Variants in DOCK7 observed in about 807,000 individuals in gnomAD.
The protein encoded by DOCK7 is dedicator of cytokinesis 7.
DOCK7 carries 138 observed loss-of-function variants against 271.0 expected under a neutral mutation model. That is an observed-to-expected ratio of 0.51 (90% CI 0.44 to 0.59). DOCK7 has a LOEUF of 0.59. Among genes scored for constraint, DOCK7 ranks in the 20% least tolerant of loss-of-function variants. DOCK7 has a pLI of 0.00. For synonymous variants in DOCK7, 823 were observed against 876.1 expected (o/e 0.94, Z 1.07); for missense variants, 2,066 against 2,592.4 (o/e 0.80, Z 4.41).
chr1:62,641,335 A>T, intron 7 of DOCK7: 1 of 404,942 alleles, frequency 2.5e-6, no homozygotes. Context: ...ACTTTCTCAC[A>T]GGCTTCAGGC....
intron 43 of DOCK7, 105 bp downstream of exon 43, chr1:62,487,293 T>C: frequency 2.8e-6 from 3 of 1,090,532 alleles, no homozygotes; most frequent in Non-Finnish European, 2.7e-6. Flanking sequence ...TGATAGCAGA[T>C]AGCAACAGAA....
intron 7 of DOCK7, among the ~76,000 whole-genome samples, chr1:62,643,441 ACACT>A (rs1009417048): frequency 7.2e-5 from 11 of 152,232 alleles, no homozygotes; most frequent in African/African-American, 2.4e-4. Context: ...ACTGAAGATA[ACACT>A]CAATGTCTTC....
intron 14 of DOCK7, among the ~76,000 whole-genome samples, chr1:62,603,322 TATAA>T (rs1650432099): frequency 6.6e-6 from 1 of 151,810 alleles, no homozygotes; most frequent in South Asian, 2.1e-4. Context: ...AACAGTATTT[TATAA>T]ATACTTTAAT....
chr1:62,457,301 T>A (rs1219030345), intron 49 of DOCK7, among the ~76,000 whole-genome samples: 1 of 152,200 alleles, frequency 6.6e-6, no homozygotes, highest in Non-Finnish European at 1.5e-5. Flanking sequence ...TATCAGAGAC[T>A]TTTTAAGCGC....
In DOCK7 at chr1:62,555,881, G is replaced by A; in HGVS notation, c.2540C>T (p.Ser847Leu). ...DQHGRNSLLA[S>L]YIHYVFRLPN... ...TAGGCGGAAAACATAATGAATATAT[G>A]ATGCAAGAAGGCTGTTTCTGCCATG... is the stretch of plus-strand genomic sequence containing the variant. The change falls in exon 21 of 50, where the codon TCA becomes TTA. Residue 847 changes from serine (S) to leucine (L), a missense_variant. This residue lies in a region of DOCK7 where 1,414 missense variants were observed against 1,670.4 expected (regional missense o/e 0.85). Coordinates refer to ENST00000635253, the MANE Select transcript of DOCK7 (RefSeq NM_001367561.1). 1 of 1,613,876 alleles carries A rather than the reference G, an allele frequency of 6.2e-7. No homozygotes were observed. Among genetic ancestry groups the A allele is most frequent in the Non-Finnish European group, 8.5e-7 (1 of 1,179,910 alleles).
chr1:62,471,849 A>G (rs1645839038), intron 48 of DOCK7, among the ~76,000 whole-genome samples: 1 of 152,182 alleles, frequency 6.6e-6, no homozygotes, highest in Non-Finnish European at 1.5e-5. Context: ...ATAAGAATTT[A>G]AGATTATAAG....
chr1:62,466,205 T>G (rs1645671558), intron 48 of DOCK7, among the ~76,000 whole-genome samples: 1 of 152,048 alleles, frequency 6.6e-6, no homozygotes, highest in African/African-American at 2.4e-5. Flanking sequence ...TTGTTGTTGT[T>G]GTTGTTTTTT....
At chr1:62,682,632 T>C (rs1199683531) in intron 1 of DOCK7, among the ~76,000 whole-genome samples, 2 of 152,142 alleles carry the variant, frequency 1.3e-5, no homozygotes, top group African/African-American at 4.8e-5. Flanking sequence ...ATAATTCAAG[T>C]ACACATAAGG....
Position 62,537,970 on chromosome 1 carries a change from T to C in DOCK7, c.3392A>G (p.Tyr1131Cys), listed in dbSNP as rs1645401691. ...GCTGCAGGGTAAGTTTAATGTAACA[T>C]AGTGCTCATGACTGCAGATGATTCG... ...FLRIICSHEH[Y>C]VTLNLPCSLL... The change falls in exon 28 of 50, where the codon TAT becomes TGT. Residue 1131 changes from tyrosine to cysteine, a missense_variant. Coordinates refer to ENST00000635253, the MANE Select transcript of DOCK7 (RefSeq NM_001367561.1). 1 of 1,613,938 alleles carries C rather than the reference T, an allele frequency of 6.2e-7. No homozygotes were observed. The highest frequency in any genetic ancestry group is 1.1e-5 in the South Asian group (1 of 91,080).
At chr1:62,533,512 C>T (rs563194359) in intron 29 of DOCK7, among the ~76,000 whole-genome samples, 37 of 151,928 alleles carry the variant, frequency 2.4e-4, no homozygotes, top group African/African-American at 8.7e-4. Flanking sequence ...GGGTGGAAGG[C>T]CCAGAGTTTC....
chr1:62,515,449 T>C (rs970624611), intron 31 of DOCK7, among the ~76,000 whole-genome samples: 4 of 152,256 alleles, frequency 2.6e-5, no homozygotes, highest in African/African-American at 4.8e-5. Flanking sequence ...CTTTCAGATA[T>C]GCATAAATAC....
intron 18 of DOCK7, among the ~76,000 whole-genome samples, chr1:62,576,656 G>A (rs987826430): frequency 6.6e-6 from 1 of 152,182 alleles, no homozygotes; most frequent in Non-Finnish European, 1.5e-5. Context: ...ATCATTAAGA[G>A]ACACTGACAA....
chr1:62,514,149 G>C (rs1393529518), intron 31 of DOCK7, among the ~76,000 whole-genome samples: 2 of 151,588 alleles, frequency 1.3e-5, no homozygotes, highest in African/African-American at 4.8e-5. Context: ...TGCCAGCAGG[G>C]GATAAATAAA....
chr1:62,619,194 T>TA (rs1476374127), intron 13 of DOCK7, among the ~76,000 whole-genome samples: 1 of 152,206 alleles, frequency 6.6e-6, no homozygotes, highest in Non-Finnish European at 1.5e-5. Context: ...TTTCAAAGAT[T>TA]AAAAGACTTA....
intron 31 of DOCK7, among the ~76,000 whole-genome samples, chr1:62,517,285 A>C (rs1644690137): frequency 6.6e-6 from 1 of 152,158 alleles, no homozygotes; most frequent in African/African-American, 2.4e-5. Context: ...TAAAAAACAA[A>C]AACAAAACAA....
At chr1:62,458,302 A>G (rs1044714878) in intron 48 of DOCK7, 1 of 152,184 alleles carries the variant, frequency 6.6e-6, no homozygotes, top group African/African-American at 2.4e-5. Flanking sequence ...GCTGAATGTT[A>G]AATAATCATC....
At chr1:62,530,030 AC>A (rs1367917958) in intron 29 of DOCK7, among the ~76,000 whole-genome samples, 2 of 152,172 alleles carry the variant, frequency 1.3e-5, no homozygotes, top group Non-Finnish European at 2.9e-5. Flanking sequence ...TAATACACTA[AC>A]AAGGGTCACT....
chr1:62,647,551 A>G (rs988687308), intron 7 of DOCK7, 140 bp downstream of exon 7: 8 of 632,210 alleles, frequency 1.3e-5, no homozygotes, highest in African/African-American at 1.1e-4. Flanking sequence ...AATGCTGAAT[A>G]GTATTTAAAA....
chr1:62,598,169 ACT>A (rs1649572247), intron 14 of DOCK7: 3 of 1,080,600 alleles, frequency 2.8e-6, no homozygotes, highest in African/African-American at 3.3e-5. Context: ...TTGTTGAAAT[ACT>A]TTTTTTTCCA....
Sources: gnomAD v4.1 joint callset for allele counts (sites outside exome capture counted in the v4.1 genomes callset) on GRCh38, gnomAD v4.1.1 for gene constraint, gnomAD v4.1.1 regional missense constraint, MANE v1.5 for transcripts, NCBI Gene and HGNC (gene_info 2026-07-23, HGNC 2026-07-21) for gene names.